PHYHIPL: variants seen among roughly 807,000 people sequenced by gnomAD.
PHYHIPL encodes the protein phytanoyl-CoA 2-hydroxylase interacting protein like, also known as phytanoyl-CoA hydroxylase-interacting protein-like.
A neutral mutation model predicts 33.4 loss-of-function variants in PHYHIPL; 9 were observed. The ratio of observed to expected loss-of-function variants is 0.27; its 90% CI spans 0.16 to 0.47. PHYHIPL has a LOEUF of 0.47. PHYHIPL is among the 20% of genes least tolerant of loss of function. The pLI is 0.99. For synonymous variants in PHYHIPL, 153 were observed against 154.1 expected (o/e 0.99, Z 0.05); for missense variants, 365 against 460.7 (o/e 0.79, Z 1.90).
chr10:59,178,473 G>A (rs1838316794), intron 1 of PHYHIPL, among the ~76,000 whole-genome samples: 1 of 152,020 alleles, frequency 6.6e-6, no homozygotes, highest in Non-Finnish European at 1.5e-5. Context: ...TTTTAGTTTA[G>A]ACTTTTATGA....
chr10:59,242,197 C>A (rs1000602936), intron 4 of PHYHIPL, among the ~76,000 whole-genome samples: 1 of 152,168 alleles, frequency 6.6e-6, no homozygotes, highest in Non-Finnish European at 1.5e-5. Flanking sequence ...GGCTTGCCCT[C>A]ATAGTGTGTG....
At chr10:59,224,552 AG>A (rs767521325) in intron 1 of PHYHIPL, among the ~76,000 whole-genome samples, 2 of 152,304 alleles carry the variant, frequency 1.3e-5, no homozygotes, top group South Asian at 2.1e-4. Flanking sequence ...ATATATCAAA[AG>A]GGTTTAAAAT....
intron 1 of PHYHIPL, among the ~76,000 whole-genome samples, chr10:59,214,526 A>G (rs961913145): frequency 6.6e-6 from 1 of 152,048 alleles, no homozygotes; most frequent in Non-Finnish European, 1.5e-5. Flanking sequence ...TGATGGTGTT[A>G]TTTTGAGTCT....
intron 1 of PHYHIPL, among the ~76,000 whole-genome samples, chr10:59,197,223 A>C (rs894909009): frequency 1.3e-5 from 2 of 152,184 alleles, no homozygotes; most frequent in Admixed American, 6.5e-5. Flanking sequence ...GTCTGATCTT[A>C]TTTTACATCT....
At chr10:59,218,743 T>C (rs956458622) in intron 1 of PHYHIPL, among the ~76,000 whole-genome samples, 7 of 126,700 alleles carry the variant, frequency 5.5e-5, no homozygotes, top group Admixed American at 1.5e-4. Context: ...ATTATAAATA[T>C]TGAGTGATCT....
At chr10:59,238,734 T>C in intron 4 of PHYHIPL, 29 bp downstream of exon 4, 1 of 1,394,350 alleles carries the variant, frequency 7.2e-7, no homozygotes, top group Non-Finnish European at 1.0e-6. Context: ...TAGTGATTTG[T>C]TTTACTAAAT....
intron 1 of PHYHIPL, among the ~76,000 whole-genome samples, chr10:59,233,279 G>A (rs1423010608): frequency 6.6e-6 from 1 of 151,810 alleles, no homozygotes; most frequent in African/African-American, 2.4e-5. Flanking sequence ...GGAAATGTAG[G>A]GGAGGAGAAA....
At chr10:59,234,593 C>A in intron 2 of PHYHIPL, 93 bp downstream of exon 2, 1 of 823,084 alleles carries the variant, frequency 1.2e-6, no homozygotes, top group Non-Finnish European at 1.8e-6. Flanking sequence ...CTATTAATGG[C>A]TTATGTGATG....
chr10:59,191,441 T>C (rs1838781876), intron 1 of PHYHIPL, among the ~76,000 whole-genome samples: 1 of 151,996 alleles, frequency 6.6e-6, no homozygotes, highest in East Asian at 1.9e-4. Context: ...ATAACTTTAT[T>C]CTGATTACAT....
intron 1 of PHYHIPL, among the ~76,000 whole-genome samples, chr10:59,215,313 C>G (rs1839585004): frequency 6.6e-6 from 1 of 151,982 alleles, no homozygotes; most frequent in Admixed American, 6.6e-5. Context: ...GAAAAACATG[C>G]AGTTTGGTAG....
chr10:59,231,108 T>A (rs200592017), intron 1 of PHYHIPL, among the ~76,000 whole-genome samples: 1 of 222 alleles, frequency 4.5e-3, no homozygotes, highest in South Asian at 0.12. Context: ...AAAAAAACAA[T>A]TTTTTTTCCT....
chr10:59,177,192 G>T, intron 1 of PHYHIPL: 1 of 586,284 alleles, frequency 1.7e-6, no homozygotes, highest in Non-Finnish European at 2.9e-6. Context: ...CAACCGTGGC[G>T]CCCTTCGCCG....
chr10:59,237,854 AATAAT>A (rs1370885926), intron 3 of PHYHIPL, among the ~76,000 whole-genome samples: 1 of 151,852 alleles, frequency 6.6e-6, no homozygotes, highest in African/African-American at 2.4e-5. Flanking sequence ...TGCAAGGAAT[AATAAT>A]ATATTTTTTA....
chr10:59,219,349 G>T, intron 1 of PHYHIPL: 1 of 481,996 alleles, frequency 2.1e-6, no homozygotes, highest in Non-Finnish European at 2.7e-6. Flanking sequence ...TAAAAATGAA[G>T]TACCCATCAA....
At chr10:59,182,919 A>C (rs995018193) in intron 1 of PHYHIPL, among the ~76,000 whole-genome samples, 2 of 152,186 alleles carry the variant, frequency 1.3e-5, no homozygotes, top group Non-Finnish European at 2.9e-5. Context: ...GGAAAGGAGA[A>C]AAAGAGAAAT....
intron 1 of PHYHIPL, among the ~76,000 whole-genome samples, chr10:59,188,782 T>C (rs2133195532): frequency 6.6e-6 from 1 of 152,318 alleles, no homozygotes; most frequent in Admixed American, 6.5e-5. Context: ...GAGACTAAGA[T>C]TGCAACCCCT....
chr10:59,214,393 T>A (rs1839549886), intron 1 of PHYHIPL, among the ~76,000 whole-genome samples: 1 of 152,062 alleles, frequency 6.6e-6, no homozygotes, highest in Non-Finnish European at 1.5e-5. Flanking sequence ...AAAGAAGTAT[T>A]CCAAGTGATT....
chr10:59,194,778 G>A (rs1838866173), intron 1 of PHYHIPL, among the ~76,000 whole-genome samples: 1 of 152,144 alleles, frequency 6.6e-6, no homozygotes, highest in South Asian at 2.1e-4. Context: ...GTATATGCTA[G>A]ACATTGGAAA....
intron 2 of PHYHIPL, among the ~76,000 whole-genome samples, chr10:59,235,597 T>C (rs2133288099): frequency 6.6e-6 from 1 of 152,016 alleles, no homozygotes. Context: ...CATTATTTTT[T>C]CTGAGTTCCA....
Sources: gnomAD v4.1 joint callset for allele counts (sites outside exome capture counted in the v4.1 genomes callset) on GRCh38, gnomAD v4.1.1 for gene constraint, MANE v1.5 for transcripts, NCBI Gene and HGNC (gene_info 2026-07-23, HGNC 2026-07-21) for gene names.